The following LDLRAD4 variants were observed in gnomAD, a reference collection of about 807,000 sequenced individuals.
The protein encoded by LDLRAD4 is low density lipoprotein receptor class A domain containing 4, also known as low-density lipoprotein receptor class A domain-containing protein 4.
LDLRAD4 carries 5 observed loss-of-function variants against 17.0 expected under a neutral mutation model. The observed-to-expected ratio is 0.29, with a 90% CI of 0.15 to 0.62. The LOEUF (loss-of-function observed/expected upper bound fraction) is 0.62. Ranked by LOEUF, LDLRAD4 falls within the 20% of genes least tolerant of loss-of-function variation. LDLRAD4 has a pLI of 0.84. For synonymous variants in LDLRAD4, 168 were observed against 171.8 expected, an observed-to-expected ratio of 0.98 and a Z score of 0.17; for missense variants, 340 against 424.7, an observed-to-expected ratio of 0.80 and a Z score of 1.75.
At chr18:13,272,068 G>A (rs1264816629) in intron 1 of LDLRAD4, among the ~76,000 whole-genome samples, 9 of 151,990 alleles carry the variant, frequency 5.9e-5, no homozygotes, top group African/African-American at 2.2e-4. Context: ...GCTAATTTTT[G>A]TATTTTTAGT....
At chr18:13,406,162 GC>G (rs2087726165) in intron 2 of LDLRAD4, among the ~76,000 whole-genome samples, 2 of 152,298 alleles carry the variant, frequency 1.3e-5, no homozygotes, top group African/African-American at 4.8e-5. Flanking sequence ...TTATGCCTGG[GC>G]CCCCTGGGGA....
chr18:13,370,209 G>A (rs2084356934), intron 1 of LDLRAD4, among the ~76,000 whole-genome samples: 1 of 152,234 alleles, frequency 6.6e-6, no homozygotes, highest in Non-Finnish European at 1.5e-5. Context: ...CCACTGCACA[G>A]AAGTTTCTGG....
chr18:13,460,281 C>T (rs2092367567), intron 3 of LDLRAD4, among the ~76,000 whole-genome samples: 1 of 152,148 alleles, frequency 6.6e-6, no homozygotes, highest in African/African-American at 2.4e-5. Flanking sequence ...CATCTTTGAA[C>T]TTCTGGGCTC....
At chr18:13,299,467 T>G (rs1356956118) in intron 1 of LDLRAD4, among the ~76,000 whole-genome samples, 2 of 152,186 alleles carry the variant, frequency 1.3e-5, no homozygotes, top group African/African-American at 4.8e-5. Flanking sequence ...AGAGCACTCG[T>G]GAGCCCTGAG....
intron 1 of LDLRAD4, among the ~76,000 whole-genome samples, chr18:13,253,818 C>T (rs753713026): frequency 6.6e-6 from 1 of 152,230 alleles, no homozygotes; most frequent in Non-Finnish European, 1.5e-5. Context: ...TCAGATGTCA[C>T]TGAACAGGAA....
intron 3 of LDLRAD4, among the ~76,000 whole-genome samples, chr18:13,566,969 A>T (rs2094610877): frequency 6.6e-6 from 1 of 152,174 alleles, no homozygotes; most frequent in Non-Finnish European, 1.5e-5. Flanking sequence ...CTGATGGGGA[A>T]GCGAAGCCCA....
At chr18:13,570,317 G>A (rs2094671226) in intron 3 of LDLRAD4, among the ~76,000 whole-genome samples, 1 of 152,126 alleles carries the variant, frequency 6.6e-6, no homozygotes, top group Admixed American at 6.5e-5. Context: ...TACCTGGCTC[G>A]GGTCTCCGTG....
intron 1 of LDLRAD4, among the ~76,000 whole-genome samples, chr18:13,299,887 A>T (rs2046483875): frequency 6.6e-6 from 1 of 152,134 alleles, no homozygotes; most frequent in African/African-American, 2.4e-5. Flanking sequence ...TGTGACTTCT[A>T]CATGGCTGCT....
intron 3 of LDLRAD4, among the ~76,000 whole-genome samples, chr18:13,558,374 C>A (rs776363045): frequency 6.6e-6 from 1 of 152,148 alleles, no homozygotes; most frequent in African/African-American, 2.4e-5. Flanking sequence ...TATTCGTACC[C>A]GACTTCTCTG....
intron 1 of LDLRAD4, among the ~76,000 whole-genome samples, chr18:13,249,547 C>A (rs1413595494): frequency 6.6e-6 from 1 of 150,950 alleles, no homozygotes; most frequent in Admixed American, 6.6e-5. Context: ...TTGTATGTTT[C>A]CTTTTGAGAA....
chr18:13,638,614 G>A (rs961639183), intron 4 of LDLRAD4, among the ~76,000 whole-genome samples: 1 of 152,228 alleles, frequency 6.6e-6, no homozygotes, highest in East Asian at 1.9e-4. Context: ...CCCCTGATAA[G>A]TCCTGCTCAG....
At chr18:13,550,751 G>T (rs1470459284) in intron 3 of LDLRAD4, among the ~76,000 whole-genome samples, 2 of 152,218 alleles carry the variant, frequency 1.3e-5, no homozygotes, top group East Asian at 1.9e-4. Context: ...TCTAGGGGCG[G>T]TGGAGAGAGC....
chr18:13,257,543 T>C (rs2043573235), intron 1 of LDLRAD4, among the ~76,000 whole-genome samples: 1 of 152,152 alleles, frequency 6.6e-6, no homozygotes, highest in Non-Finnish European at 1.5e-5. Context: ...CAGGCGTGTG[T>C]GGGGTGGCAG....
At chr18:13,291,645 C>T (rs886260835) in intron 1 of LDLRAD4, among the ~76,000 whole-genome samples, 2 of 152,148 alleles carry the variant, frequency 1.3e-5, no homozygotes, top group African/African-American at 4.8e-5. Flanking sequence ...AAAGCCACAA[C>T]TAGATCTGAA....
In LDLRAD4 at chr18:13,440,194, C is replaced by T. The variant is rs1006148798; in HGVS notation, c.181+1810C>T. ...CTCTGGGGCGCTCCACAGGCCTCTT[C>T]TGGTCTGCGGGCTCCTCCTTTACTT... On this transcript the variant is annotated intron_variant, in intron 3 of 5. Coordinates refer to ENST00000359446, the Ensembl canonical transcript of LDLRAD4. The surrounding 1 kb of genome is among the most constrained non-coding windows in gnomAD (Gnocchi z 4.4). 2.6e-5 allele frequency among the ~76,000 whole-genome samples: 4 copies of T among 152,232 alleles called. No individual in the cohort carries two copies. Among genetic ancestry groups the T allele is most frequent in the Admixed American group, 2.6e-4 (4 of 15,292 alleles).
chr18:13,381,952 C>G (rs1013588385), intron 1 of LDLRAD4, among the ~76,000 whole-genome samples: 1 of 152,194 alleles, frequency 6.6e-6, no homozygotes, highest in Non-Finnish European at 1.5e-5. Flanking sequence ...GGCAGCGTTC[C>G]TTTCTCCCTG....
chr18:13,514,410 C>T (rs1168175692), intron 3 of LDLRAD4: 2 of 152,200 alleles, frequency 1.3e-5, no homozygotes, highest in Non-Finnish European at 2.9e-5. Context: ...ATTTATAAAG[C>T]TTCCTTCCTC....
chr18:13,627,067 T>G (rs2041235905), intron 4 of LDLRAD4, among the ~76,000 whole-genome samples: 1 of 152,144 alleles, frequency 6.6e-6, no homozygotes, highest in Non-Finnish European at 1.5e-5. Context: ...GTCAGGAGTT[T>G]GAGACCAGCC....
chr18:13,494,405 A>T (rs541020672), intron 3 of LDLRAD4, among the ~76,000 whole-genome samples: 1 of 151,938 alleles, frequency 6.6e-6, no homozygotes, highest in African/African-American at 2.4e-5. Context: ...TTCACACTGC[A>T]ATGTGCCACC....
Sources: allele counts gnomAD v4.1 joint callset (sites outside exome capture counted in the v4.1 genomes callset), GRCh38; gene constraint gnomAD v4.1.1; non-coding constraint Gnocchi (gnomAD v3.1); transcripts MANE v1.5; gene names NCBI Gene and HGNC (gene_info 2026-07-23, HGNC 2026-07-21).